STRA6: variants seen among roughly 807,000 people sequenced by gnomAD.
The protein encoded by STRA6 is signaling receptor and transporter of retinol STRA6.
STRA6 carries 48 observed loss-of-function variants against 83.6 expected under a neutral mutation model. The observed-to-expected ratio is 0.57, with a 90% CI of 0.46 to 0.73. STRA6 has a LOEUF of 0.73. STRA6 is among the 30% of genes least tolerant of loss of function. The pLI is 0.00. For synonymous variants in STRA6, 353 were observed against 362.3 expected (o/e 0.97, Z 0.29); for missense variants, 760 against 838.8 (o/e 0.91, Z 1.16).
At chr15:74,205,335 C>T (rs1023272127), upstream of STRA6, among the ~76,000 whole-genome samples, 3 of 152,130 alleles carry the variant, frequency 2.0e-5, no homozygotes, top group Non-Finnish European at 4.4e-5. Flanking sequence ...GGAAGCAGCA[C>T]GGCACCAGCA....
intron 4 of STRA6, 144 bp downstream of exon 4, chr15:74,197,194 G>T (rs1289769677): frequency 3.1e-6 from 2 of 642,086 alleles, no homozygotes; most frequent in Non-Finnish European, 5.5e-6. Context: ...CTAGGTGGGG[G>T]TGAGGAAAGC....
At chr15:74,188,000 C>T (rs11856447) in intron 12 of STRA6, among the ~76,000 whole-genome samples, 12,531 of 152,186 alleles carry the variant, frequency 0.082, 1,786 homozygotes, top group African/African-American at 0.29. Context: ...CAGATTGCAA[C>T]CAGCTCAGAA....
At chr15:74,196,258 G>T (rs990439897) in intron 4 of STRA6, 111 bp from the exon 5 acceptor site, 2 of 1,479,928 alleles carry the variant, frequency 1.4e-6, no homozygotes, top group Non-Finnish European at 1.8e-6. Context: ...CCACTTTCTA[G>T]ATGGGGGAAT....
chr15:74,185,072 G>T lies in STRA6; in HGVS notation c.1091-17C>A. 2 of 1,613,134 alleles carry T rather than the reference G, an allele frequency of 1.2e-6. No individual in the cohort carries two copies. The highest frequency in any genetic ancestry group is 2.2e-5 in the South Asian group (2 of 90,966). ...TGTAGCACACTGGTGGGCAGAGAAT[G>T]AGCAAAGTGAGAGGTCAGGGTCTGG... On this transcript the variant is annotated splice_polypyrimidine_tract_variant and intron_variant, in intron 12 of 18. Transcript: ENST00000395105.
At chr15:74,191,626 G>T in intron 8 of STRA6, 135 bp from the exon 9 acceptor site, 1 of 772,384 alleles carries the variant, frequency 1.3e-6, no homozygotes, top group Non-Finnish European at 2.3e-6. Context: ...GGTGGTGAGT[G>T]TGGATGGGGC....
Position 74,191,452 on chromosome 15 carries a change from G to C in STRA6, c.760C>G (p.Leu254Val). ...SSYSEEYLRN[L>V]LCRKKLGSSY... is the part of the protein sequence containing the mutation. ...CTTCCCAGCTTCTTCCTGCAAAGGAGGTTCCTCAGATATTCCTCAGAGTAG... is the reference window on the plus strand; with the variant it reads ...CTTCCCAGCTTCTTCCTGCAAAGGACGTTCCTCAGATATTCCTCAGAGTAG... The change falls in exon 9 of 19, where the codon CTC becomes GTC. Residue 254 changes from leucine (L) to valine (V), a missense_variant. Transcript: ENST00000395105. 1 of 1,614,184 alleles carries C rather than the reference G, an allele frequency of 6.2e-7. No homozygotes were observed. The highest frequency in any genetic ancestry group is 8.5e-7 in the Non-Finnish European group (1 of 1,180,040).
chr15:74,198,458 C>T (rs182879290), intron 2 of STRA6, among the ~76,000 whole-genome samples: 23 of 152,284 alleles, frequency 1.5e-4, no homozygotes, highest in South Asian at 1.2e-3. Flanking sequence ...TTCAAGGCCT[C>T]CCCTCTCCAG....
chr15:74,181,297 G>A lies in STRA6; in HGVS notation c.1682C>T (p.Pro561Leu). ...CCAGCCCCGCCCAGTGACCTTACCG[G>A]GGTCGAGAGTGGCGGCTCTCGGTGG... is the stretch of plus-strand genomic sequence containing the variant. ...LLPPRAATLD[P>L]GYYTYRNFLK... The change falls in exon 17 of 19, where the codon CCC becomes CTC. Residue 561 changes from proline (P) to leucine (L), a missense_variant and splice_region_variant. By Grantham distance (98) the Pro-to-Leu change is moderately conservative (BLOSUM62 -3). Coordinates refer to ENST00000395105, the MANE Select transcript of STRA6 (RefSeq NM_022369.4). The A allele has an allele frequency of 6.2e-7, 1 of 1,613,262 alleles. No homozygotes were observed. The highest frequency in any genetic ancestry group is 8.5e-7 in the Non-Finnish European group (1 of 1,179,874).
chr15:74,211,448 T>C (rs979313093), upstream of STRA6, among the ~76,000 whole-genome samples: 3 of 142,974 alleles, frequency 2.1e-5, no homozygotes, highest in African/African-American at 7.8e-5. Context: ...TTGCCCAGGC[T>C]GGAGTGCAAT....
chr15:74,180,696 C>G, intron 18 of STRA6, 86 bp downstream of exon 18: 1 of 1,514,242 alleles, frequency 6.6e-7, no homozygotes, highest in African/African-American at 1.4e-5. Context: ...TCCTGGCGCT[C>G]ACTCTGTGTG....
intron 11 of STRA6, 54 bp downstream of exon 11, chr15:74,190,786 G>C (rs1181054703): frequency 1.9e-6 from 3 of 1,613,368 alleles, no homozygotes; most frequent in Admixed American, 1.7e-5. Flanking sequence ...TCCAGGCTTG[G>C]GGGTTGAGGG....
chr15:74,209,055 C>A (rs7178412), upstream of STRA6: 70,099 of 1,200,034 alleles, frequency 0.058, 2,159 homozygotes, highest in East Asian at 0.12. Flanking sequence ...GCAGCTCCCC[C>A]CTTCTCCAGT....
At chr15:74,193,121 C>T (rs2073632923) in intron 8 of STRA6, among the ~76,000 whole-genome samples, 1 of 152,198 alleles carries the variant, frequency 6.6e-6, no homozygotes, top group Non-Finnish European at 1.5e-5. Context: ...TTCGATCCAT[C>T]CATCCATTCA....
intron 4 of STRA6, among the ~76,000 whole-genome samples, chr15:74,196,740 A>T (rs562000573): frequency 6.6e-6 from 1 of 152,226 alleles, no homozygotes; most frequent in South Asian, 2.1e-4. Context: ...GCACAGCAAG[A>T]CCTGCCTCGG....
chr15:74,197,318 G>A lies in STRA6; in HGVS notation c.266+20C>T, dbSNP rs981928137. 1.9e-6 allele frequency: 3 copies of A among 1,541,752 alleles called. No individual in the cohort carries two copies. The highest frequency in any genetic ancestry group is 1.2e-5 in the South Asian group (1 of 83,850). On this transcript the variant is annotated intron_variant, in intron 4 of 18. Coordinates refer to ENST00000395105, the MANE Select transcript of STRA6 (RefSeq NM_022369.4). Reference sequence around the variant, plus strand: ...TCAGCTGGGTCCCCTGAGTGGGGGTGCCCAGGCCATGGTACAAACCTGGGC... The same window carrying A: ...TCAGCTGGGTCCCCTGAGTGGGGGTACCCAGGCCATGGTACAAACCTGGGC...
rs370137811 is a variant in STRA6, at chr15:74,188,327, G to A, written c.1090+788C>T. ...GACCACATGTTACTCCTCAGAAGCC[G>A]GGGGCCCATCCGTCCCAGCCTGGGG... On this transcript the variant is annotated intron_variant, in intron 12 of 18. Coordinates refer to ENST00000395105, the MANE Select transcript of STRA6 (RefSeq NM_022369.4). The surrounding 1 kb of genome is among the most constrained non-coding windows in gnomAD (Gnocchi z 4.5). Among the ~76,000 whole-genome samples, 13 of 152,374 alleles carry A rather than the reference G, an allele frequency of 8.5e-5. No homozygotes were observed. In the East Asian group the frequency reaches 1.5e-3, roughly 18 times the overall value.
intron 11 of STRA6, among the ~76,000 whole-genome samples, chr15:74,189,897 T>C (rs351231): frequency 0.99 from 151,299 of 152,254 alleles, 75,184 homozygotes; most frequent in East Asian, 1. Flanking sequence ...CTCTTGACAT[T>C]GTGATCCGCC....
intron 11 of STRA6, 55 bp from the exon 12 acceptor site, chr15:74,189,332 C>T (rs989945246): frequency 1.9e-6 from 3 of 1,550,678 alleles, no homozygotes; most frequent in Non-Finnish European, 2.6e-6. Context: ...TCTGTGCTAA[C>T]AGGGGAGACG....
Position 74,189,000 on chromosome 15 carries a change from G to A in STRA6, c.1090+115C>T, listed in dbSNP as rs1428661174. ...ATGAGGCAATCGAGACCCAGAGAGAGGAAGGAATGTGTCCAAGGGCCCCCA... is the reference window on the plus strand; with the variant it reads ...ATGAGGCAATCGAGACCCAGAGAGAAGAAGGAATGTGTCCAAGGGCCCCCA... On this transcript the variant is annotated intron_variant, in intron 12 of 18. Coordinates refer to ENST00000395105, the MANE Select transcript of STRA6 (RefSeq NM_022369.4). This position sits in a 1 kb window ranked among gnomAD's most constrained non-coding sequence, Gnocchi z 4.5. The A allele has an allele frequency of 2.3e-6, 3 of 1,280,862 alleles. No individual in the cohort carries two copies. Among genetic ancestry groups the A allele is most frequent in the African/African-American group, 1.5e-5 (1 of 68,140 alleles). The allele number at this position is 1,280,862 out of a possible 1,614,324, so 79.3% of individuals were successfully genotyped here.
Sources: gnomAD v4.1 joint callset for allele counts (sites outside exome capture counted in the v4.1 genomes callset) on GRCh38, gnomAD v4.1.1 for gene constraint, Gnocchi (gnomAD v3.1) non-coding constraint, MANE v1.5 for transcripts, NCBI Gene and HGNC (gene_info 2026-07-23, HGNC 2026-07-21) for gene names.